EFCAB6: variants seen among roughly 807,000 people sequenced by gnomAD.
The protein encoded by EFCAB6 is EF-hand calcium-binding domain-containing protein 6.
EFCAB6 carries 156 observed loss-of-function variants against 169.8 expected under a neutral mutation model. The ratio of observed to expected loss-of-function variants is 0.92; its 90% CI spans 0.81 to 1.05. The LOEUF is 1.05. Ranked by LOEUF, EFCAB6 falls within the 50% of genes least tolerant of loss-of-function variation. The pLI, the probability that EFCAB6 is intolerant of heterozygous loss-of-function variation, is 0.00. For missense variants in EFCAB6, 1,800 were observed against 1,829.1 expected, an observed-to-expected ratio of 0.98 and a Z score of 0.29; for synonymous variants, 698 against 676.4, an observed-to-expected ratio of 1.03 and a Z score of -0.50.
At chr22:43,646,712 T>C (rs1172375436) in intron 17 of EFCAB6, among the ~76,000 whole-genome samples, 1 of 152,142 alleles carries the variant, frequency 6.6e-6, no homozygotes, top group Non-Finnish European at 1.5e-5. Context: ...GATAAAACAA[T>C]GGGAAAGAGA....
At chr22:43,625,040 A>G (rs1009254164) in intron 20 of EFCAB6, among the ~76,000 whole-genome samples, 1 of 152,190 alleles carries the variant, frequency 6.6e-6, no homozygotes, top group African/African-American at 2.4e-5. Flanking sequence ...TCCAACTTAC[A>G]TGTTAGATGA....
At chr22:43,734,165 A>C (rs931940201) in intron 7 of EFCAB6, among the ~76,000 whole-genome samples, 5 of 152,300 alleles carry the variant, frequency 3.3e-5, no homozygotes, top group Admixed American at 1.3e-4. Context: ...TGTTGATATT[A>C]AATAGAAAGC....
chr22:43,661,348 G>A (rs1212934752), intron 17 of EFCAB6, among the ~76,000 whole-genome samples: 1 of 152,184 alleles, frequency 6.6e-6, no homozygotes, highest in African/African-American at 2.4e-5. Flanking sequence ...TTGCACTCCA[G>A]CCTGGGAGAC....
intron 21 of EFCAB6, among the ~76,000 whole-genome samples, chr22:43,611,180 C>A (rs1364457653): frequency 6.6e-6 from 1 of 152,094 alleles, no homozygotes; most frequent in East Asian, 1.9e-4. Flanking sequence ...TAGCATTGAA[C>A]CTGTAAATTG....
chr22:43,735,567 A>G (rs2060104184), intron 7 of EFCAB6, among the ~76,000 whole-genome samples: 1 of 152,180 alleles, frequency 6.6e-6, no homozygotes, highest in Non-Finnish European at 1.5e-5. Flanking sequence ...GAAAGAGACA[A>G]TTGGTGATGG....
chr22:43,785,627 A>G (rs1218334215), intron 2 of EFCAB6, among the ~76,000 whole-genome samples: 1 of 152,200 alleles, frequency 6.6e-6, no homozygotes, highest in Non-Finnish European at 1.5e-5. Flanking sequence ...AACTAAAGCC[A>G]AAGTTAGTAG....
rs773339831 is a variant in EFCAB6 at position 43,537,408 on chromosome 22, T to C, written c.4017A>G (p.Arg1339=). The C allele has an allele frequency of 9.3e-6, 15 of 1,614,140 alleles. No individual in the cohort carries two copies. The highest frequency in any genetic ancestry group is 1.0e-5 in the Non-Finnish European group (12 of 1,180,020). ...LKECKEKDVA[R]QGDINASDFL... is the part of the protein sequence containing the mutation. ...AATCGGAGGCGTTGATGTCCCCCTG[T>C]CTGGCCACGTCCTTCTCCTTGCATT... The change falls in exon 29 of 32, where the codon AGA becomes AGG. Residue 1339 remains arginine, a synonymous_variant. Coordinates refer to ENST00000262726, the MANE Select transcript of EFCAB6 (RefSeq NM_022785.4). This position sits in a 1 kb window ranked among gnomAD's most constrained non-coding sequence, Gnocchi z 4.3.
intron 8 of EFCAB6, among the ~76,000 whole-genome samples, chr22:43,723,426 G>A (rs960312597): frequency 1.3e-5 from 2 of 152,256 alleles, no homozygotes; most frequent in South Asian, 2.1e-4. Context: ...ATGTACCCCT[G>A]TATCTAAAAG....
In EFCAB6 at chr22:43,738,479, TCA is replaced by T. The variant is rs558879280; in HGVS notation, c.508-2488_508-2487del. Among the ~76,000 whole-genome samples the T allele has an allele frequency of 1.3e-3, 186 of 147,428 alleles. 2 individuals carry two copies. In the South Asian group the frequency reaches 0.022, roughly 17 times the overall value. ...CACCATCACTCACACACACATATAT[TCA>T]CACACACACATGCACATATACTCAC... On this transcript the variant is annotated intron_variant, in intron 6 of 31. Coordinates refer to ENST00000262726, the MANE Select transcript of EFCAB6 (RefSeq NM_022785.4).
At chr22:43,532,359 T>C (rs2047125947) in intron 30 of EFCAB6, among the ~76,000 whole-genome samples, 2 of 152,238 alleles carry the variant, frequency 1.3e-5, no homozygotes, top group East Asian at 1.9e-4. Context: ...TGGTGTGCTC[T>C]TCCGCAGAAG....
At chr22:43,790,973 C>A (rs934549984) in intron 2 of EFCAB6, among the ~76,000 whole-genome samples, 1 of 152,158 alleles carries the variant, frequency 6.6e-6, no homozygotes, top group Non-Finnish European at 1.5e-5. Context: ...GCAGGTAGAA[C>A]AGGTTTACAG....
intron 27 of EFCAB6, among the ~76,000 whole-genome samples, chr22:43,541,624 C>G (rs566460979): frequency 6.6e-5 from 10 of 152,248 alleles, no homozygotes; most frequent in African/African-American, 2.4e-4. Context: ...GTGAGGGGAC[C>G]TTGAGGATGT....
chr22:43,562,490 G>A (rs934967947), intron 26 of EFCAB6, among the ~76,000 whole-genome samples: 1 of 145,866 alleles, frequency 6.9e-6, no homozygotes, highest in Non-Finnish European at 1.5e-5. Context: ...CTGCCCCAAC[G>A]CCACAAGTTC....
At chr22:43,688,081 T>C (rs1449395569) in intron 10 of EFCAB6, among the ~76,000 whole-genome samples, 1 of 152,114 alleles carries the variant, frequency 6.6e-6, no homozygotes, top group African/African-American at 2.4e-5. Context: ...ATTCTTAAAA[T>C]TGGAGAGCTT....
chr22:43,672,387 G>GAGCTAGGATTCCAGTCCA, intron 13 of EFCAB6, 82 bp from the exon 14 acceptor site: 1 of 1,455,330 alleles, frequency 6.9e-7, no homozygotes, highest in Non-Finnish European at 9.5e-7. Flanking sequence ...GACCTGGACT[G>GAGCTAGGATTCCAGTCCA]GAATCCTAGC....
intron 2 of EFCAB6, among the ~76,000 whole-genome samples, chr22:43,807,659 T>C (rs902629630): frequency 6.6e-6 from 1 of 152,170 alleles, no homozygotes; most frequent in Non-Finnish European, 1.5e-5. Context: ...AAGCAAAAAT[T>C]GCTGGAACTG....
intron 2 of EFCAB6, among the ~76,000 whole-genome samples, chr22:43,801,160 G>A (rs1477712544): frequency 1.3e-5 from 2 of 152,172 alleles, no homozygotes; most frequent in African/African-American, 4.8e-5. Flanking sequence ...ATAGCCAGGA[G>A]GGAAGGGAAC....
At chr22:43,560,306 T>G (rs1036515267) in intron 26 of EFCAB6, among the ~76,000 whole-genome samples, 2 of 152,194 alleles carry the variant, frequency 1.3e-5, no homozygotes, top group African/African-American at 4.8e-5. Context: ...AGGATAGGAA[T>G]GAAGTTTTTG....
At chr22:43,629,896 C>T (rs1290662121) in intron 19 of EFCAB6, among the ~76,000 whole-genome samples, 5 of 152,078 alleles carry the variant, frequency 3.3e-5, no homozygotes, top group East Asian at 1.9e-4. Flanking sequence ...GACAATCCTG[C>T]GAGGGCCAGG....
Sources: allele counts gnomAD v4.1 joint callset (sites outside exome capture counted in the v4.1 genomes callset), GRCh38; gene constraint gnomAD v4.1.1; non-coding constraint Gnocchi (gnomAD v3.1); transcripts MANE v1.5; gene names NCBI Gene and HGNC (gene_info 2026-07-23, HGNC 2026-07-21).